The following ADGRL1 variants were observed in gnomAD, a reference collection of about 807,000 sequenced individuals.
The protein encoded by ADGRL1 is CIRL-1.
Under a neutral mutation model 148.9 loss-of-function variants are expected in ADGRL1, and 31 were observed. The observed-to-expected ratio is 0.21, with a 90% CI of 0.16 to 0.28. The LOEUF (loss-of-function observed/expected upper bound fraction) is 0.28. Among genes scored for constraint, ADGRL1 ranks in the 10% least tolerant of loss-of-function variants. ADGRL1 has a pLI of 1.00. For missense variants in ADGRL1, 1,521 were observed against 2,058.8 expected (o/e 0.74, Z 5.05); for synonymous variants, 937 against 900.3 (o/e 1.04, Z -0.73).
At chr19:14,194,394 C>T (rs1445115723) in intron 1 of ADGRL1, among the ~76,000 whole-genome samples, 1 of 152,204 alleles carries the variant, frequency 6.6e-6, no homozygotes, top group Non-Finnish European at 1.5e-5. Flanking sequence ...TTACAGGAAA[C>T]AGCAAACGAC....
rs1283443075 is a variant in ADGRL1, at chr19:14,151,382, G to A, written c.3901C>T (p.Pro1301Ser). The part of the protein sequence containing the change: ...SSSAAKGPPP[P>S]EPPVPPVPGG... ...GGCACAGGTGGCACAGGGGGCTCAG[G>A]CGGTGGAGGGCCCTTGGCCGCGCTG... is the stretch of plus-strand genomic sequence containing the variant. Residue 1301 changes from proline (P) to serine (S), a missense_variant, in exon 23 of 23, where the codon CCT (proline) becomes TCT (serine). Around this residue, in one of 8 missense-constraint regions of ADGRL1, gnomAD observed 390 missense variants for 375.0 expected, o/e 1.04. Coordinates refer to ENST00000361434, the MANE Select transcript of ADGRL1 (RefSeq NM_014921.5). The A allele has an allele frequency of 6.2e-7, 1 of 1,604,152 alleles. No individual in the cohort carries two copies. The highest frequency in any genetic ancestry group is 8.5e-7 in the Non-Finnish European group (1 of 1,176,142).
rs781744377 is a variant in ADGRL1 at position 14,160,090 on chromosome 19, C to G, written c.1800+22G>C. The G allele has an allele frequency of 1.3e-6, 2 of 1,559,312 alleles. No individual in the cohort carries two copies. The highest frequency in any genetic ancestry group is 1.7e-6 in the Non-Finnish European group (2 of 1,145,664). On this transcript the variant is annotated intron_variant, in intron 8 of 22. Coordinates refer to ENST00000361434, the MANE Select transcript of ADGRL1 (RefSeq NM_014921.5). This position sits in a 1 kb window ranked among gnomAD's most constrained non-coding sequence, Gnocchi z 5.9. Reference sequence around the variant, plus strand: ...GGCAGGCGCCCTCCCCATACCAGGTCAGCGCCACCGCCAGGCCCCACCTTG... The same window carrying G: ...GGCAGGCGCCCTCCCCATACCAGGTGAGCGCCACCGCCAGGCCCCACCTTG...
Position 14,150,861 on chromosome 19 carries a change from C to T in ADGRL1, c.*12G>A. The T allele has an allele frequency of 3.7e-6, 6 of 1,610,342 alleles. No individual in the cohort carries two copies. The highest frequency in any genetic ancestry group is 1.3e-5 in the African/African-American group (1 of 74,986). ...TGGCCTGGGCCACCAGCCCCTGGTC[C>T]ATGAGGTGCCCTCAGAGACTGGTGA... On this transcript the variant is annotated 3_prime_UTR_variant, in exon 23 of 23. Coordinates refer to ENST00000361434, the MANE Select transcript of ADGRL1 (RefSeq NM_014921.5).
Position 14,155,398 on chromosome 19 carries a change from C to A in ADGRL1, c.3255G>T (p.Gly1085=), listed in dbSNP as rs761920179. The change falls in exon 18 of 23, where the codon GGG becomes GGT. Residue 1085 remains glycine (G), a synonymous_variant. Coordinates refer to ENST00000361434, the MANE Select transcript of ADGRL1 (RefSeq NM_014921.5). The surrounding 1 kb of genome is among the most constrained non-coding windows in gnomAD (Gnocchi z 5.0). ...YLFTTFNAFQ[G]VFIFVFHCAL... The stretch of plus-strand genomic sequence containing the variant: ...CGCAGTGAAAGACGAAGATGAAGAC[C>A]CCCTGGAAGGCGTTGAAGGTGGTGA... 1 of 1,614,082 alleles carries A rather than the reference C, an allele frequency of 6.2e-7. No individual in the cohort carries two copies.
intron 1 of ADGRL1, among the ~76,000 whole-genome samples, chr19:14,185,884 C>T (rs1344944376): frequency 6.6e-6 from 1 of 152,232 alleles, no homozygotes; most frequent in African/African-American, 2.4e-5. Context: ...TGCCCCAGGG[C>T]CTTTGCACCT....
rs949061730 is a variant in ADGRL1, at chr19:14,148,358, T to G, written c.*2515A>C. The G allele has an allele frequency of 6.6e-6, 1 of 152,316 alleles. No individual in the cohort carries two copies. Among genetic ancestry groups the G allele is most frequent in the Non-Finnish European group, 1.5e-5 (1 of 68,116 alleles). 9.4% of individuals were successfully genotyped at this position (152,316 alleles called of 1,614,324 possible). A position where few individuals can be genotyped will look rare whatever the true frequency, so the allele number is the denominator to read the frequency against. ...CCGATACACCCTCTCTCCCTTTGATTGTCCGAGTCTGGAGAGATACAAGGA... is the reference window on the plus strand; with the variant it reads ...CCGATACACCCTCTCTCCCTTTGATGGTCCGAGTCTGGAGAGATACAAGGA... On this transcript the variant is annotated 3_prime_UTR_variant, in exon 23 of 23. Coordinates refer to ENST00000361434, the MANE Select transcript of ADGRL1 (RefSeq NM_014921.5).
At chr19:14,199,154 C>T (rs1375816408) in intron 1 of ADGRL1, among the ~76,000 whole-genome samples, 2 of 152,186 alleles carry the variant, frequency 1.3e-5, no homozygotes, top group African/African-American at 4.8e-5. Context: ...CCAGGCTGTG[C>T]GCCGTCATGT....
Position 14,163,200 on chromosome 19 carries a change from G to A in ADGRL1, c.601C>T (p.Arg201Cys), listed in dbSNP as rs761364953. 29 of 1,614,050 alleles carry A rather than the reference G, an allele frequency of 1.8e-5. No homozygotes were observed. Among genetic ancestry groups the A allele is most frequent in the Non-Finnish European group, 2.5e-5 (29 of 1,180,030 alleles). ...GTGCCATCCACGCGGTTGGGCAGGC[G>A]GTAGGTGGTGGTGTGGCGGGCGGCC... ...YVAARHTTTY[R>C]LPNRVDGTGF... The change falls in exon 5 of 23, where the codon CGC becomes TGC. Residue 201 changes from arginine (R) to cysteine (C), a missense_variant. By Grantham distance (180) the Arg-to-Cys change is radical. Coordinates refer to ENST00000361434, the MANE Select transcript of ADGRL1 (RefSeq NM_014921.5).
chr19:14,155,577 C>G lies in ADGRL1; in HGVS notation c.3126-50G>C, dbSNP rs1786271131. The G allele has an allele frequency of 6.3e-7, 1 of 1,594,046 alleles. No individual in the cohort carries two copies. The highest frequency in any genetic ancestry group is 1.3e-5 in the African/African-American group (1 of 74,602). ...CAAAGTACCCGCCGGAGGGGACGGC[C>G]TCAGCCCAGGCCTCCCCTGCAGCCT... is the stretch of plus-strand genomic sequence containing the variant. On this transcript the variant is annotated intron_variant, in intron 17 of 22. Transcript: ENST00000361434. The surrounding 1 kb of genome is among the most constrained non-coding windows in gnomAD (Gnocchi z 5.0).
intron 4 of ADGRL1, among the ~76,000 whole-genome samples, chr19:14,168,263 G>A (rs534811394): frequency 2.0e-4 from 30 of 152,308 alleles, no homozygotes; most frequent in Non-Finnish European, 4.0e-4. Flanking sequence ...CTCACCCAGG[G>A]CCTGGCACTC....
chr19:14,166,212 C>A (rs1969944306), intron 4 of ADGRL1, among the ~76,000 whole-genome samples: 1 of 151,588 alleles, frequency 6.6e-6, no homozygotes, highest in Non-Finnish European at 1.5e-5. Flanking sequence ...ACCCTTCGCT[C>A]CCCCAACCAC....
chr19:14,192,390 G>A (rs189591464), intron 1 of ADGRL1, among the ~76,000 whole-genome samples: 21 of 151,604 alleles, frequency 1.4e-4, no homozygotes, highest in Middle Eastern at 3.4e-3. Context: ...ACAGTCACAC[G>A]CCACCACGCC....
rs56206541 is a variant in ADGRL1 at position 14,201,302 on chromosome 19, GT to G, written c.-96+4682del. ...GGCACTGGCTATTCTGAGTTTTTTT[GT>G]TTTTTTTTTTTGGCGGGGTGGGGGG... On this transcript the variant is annotated intron_variant, in intron 1 of 22. Transcript: ENST00000361434. Among the ~76,000 whole-genome samples, 38 of 109,928 alleles carry G rather than the reference GT, an allele frequency of 3.5e-4. 1 individual carries two copies. The highest frequency in any genetic ancestry group is 2.3e-3 in the South Asian group (7 of 3,032). The allele number at this position is 109,928 out of a possible 152,430, so 72.1% of individuals were successfully genotyped here.
chr19:14,193,053 C>T (rs1474363794), intron 1 of ADGRL1, among the ~76,000 whole-genome samples: 2 of 151,958 alleles, frequency 1.3e-5, no homozygotes, highest in Admixed American at 1.3e-4. Context: ...CCACGCCTGA[C>T]CCCCACAGGC....
At chr19:14,182,489 A>G (rs1183579196) in intron 2 of ADGRL1, among the ~76,000 whole-genome samples, 1 of 152,156 alleles carries the variant, frequency 6.6e-6, no homozygotes, top group Non-Finnish European at 1.5e-5. Context: ...ACGGTGACAG[A>G]GCTGAGCCTT....
chr19:14,193,032 G>T (rs1338780566), intron 1 of ADGRL1, among the ~76,000 whole-genome samples: 7 of 152,158 alleles, frequency 4.6e-5, no homozygotes, highest in African/African-American at 1.7e-4. Flanking sequence ...TCTGCCCTGT[G>T]ACCTGGGGGA....
intron 18 of ADGRL1, among the ~76,000 whole-genome samples, chr19:14,154,337 A>G (rs1968514811): frequency 6.6e-6 from 1 of 152,116 alleles, no homozygotes; most frequent in South Asian, 2.1e-4. Flanking sequence ...AGCAGTCTCC[A>G]TGGCCTGCAC....
In ADGRL1 at chr19:14,152,469, C is replaced by G. The variant is rs560996253; in HGVS notation, c.3521-32G>C. The G allele has an allele frequency of 2.2e-4, 351 of 1,608,552 alleles. 4 individuals carry two copies. The South Asian group carries it at 3.6e-3, about 17-fold the overall frequency. ...AAAGGATCAGAGGTCACAAGGCAGC[C>G]GGGAGCCTCCAGAGACTGAAGCCAG... is the stretch of plus-strand genomic sequence containing the variant. On this transcript the variant is annotated intron_variant, in intron 20 of 22. Transcript: ENST00000361434. This position sits in a 1 kb window ranked among gnomAD's most constrained non-coding sequence, Gnocchi z 6.1.
chr19:14,180,573 A>G (rs992252512), intron 2 of ADGRL1, among the ~76,000 whole-genome samples: 16 of 151,610 alleles, frequency 1.1e-4, no homozygotes, highest in Non-Finnish European at 1.9e-4. Context: ...TTTTTCAGAC[A>G]GGGTCTCACC....
Sources: allele counts gnomAD v4.1 joint callset (sites outside exome capture counted in the v4.1 genomes callset), GRCh38; gene constraint gnomAD v4.1.1; regional missense constraint gnomAD v4.1.1; non-coding constraint Gnocchi (gnomAD v3.1); transcripts MANE v1.5; gene names NCBI Gene and HGNC (gene_info 2026-07-23, HGNC 2026-07-21).